The following THADA variants were observed in gnomAD, a reference collection of about 807,000 sequenced individuals.
The protein encoded by THADA is tRNA (32-2'-O)-methyltransferase regulator THADA.
In THADA, 213 loss-of-function variants were observed where a neutral mutation model predicts 219.8. That is an observed-to-expected ratio of 0.97 (90% CI 0.87 to 1.09). The LOEUF is 1.09. Ranked by LOEUF, THADA falls within the 50% of genes least tolerant of loss-of-function variation. The probability of loss-of-function intolerance (pLI) is 0.00; values close to 1 mark genes in which losing one functional copy is unlikely to be tolerated. For missense variants in THADA, 2,956 were observed against 2,311.3 expected, an observed-to-expected ratio of 1.28 and a Z score of -5.72; for synonymous variants, 1,018 against 828.9, an observed-to-expected ratio of 1.23 and a Z score of -3.92.
At chr2:43,431,210 A>G (rs1434294339) in intron 26 of THADA, among the ~76,000 whole-genome samples, 1 of 152,202 alleles carries the variant, frequency 6.6e-6, no homozygotes, top group Non-Finnish European at 1.5e-5. Flanking sequence ...AATCCAGAAT[A>G]TCACATTTTA....
At chr2:43,551,729 A>T in intron 19 of THADA, 60 bp downstream of exon 19, 1 of 1,400,010 alleles carries the variant, frequency 7.1e-7, no homozygotes, top group South Asian at 1.6e-5. Flanking sequence ...AAAAAAAAAA[A>T]GAGGTAAAGA....
chr2:43,271,773 C>G (rs1170990324), intron 36 of THADA, among the ~76,000 whole-genome samples: 2 of 152,026 alleles, frequency 1.3e-5, no homozygotes, highest in Non-Finnish European at 2.9e-5. Flanking sequence ...CACCACCACG[C>G]CCAGCTAATT....
At chr2:43,445,899 C>T (rs1253108165) in intron 26 of THADA, among the ~76,000 whole-genome samples, 1 of 152,140 alleles carries the variant, frequency 6.6e-6, no homozygotes, top group Non-Finnish European at 1.5e-5. Context: ...TGGAGAATTC[C>T]CAAATCACTA....
At chr2:43,508,456 T>G (rs142885919) in intron 23 of THADA, among the ~76,000 whole-genome samples, 192 bp downstream of exon 23, 222 of 152,296 alleles carry the variant, frequency 1.5e-3, no homozygotes, top group African/African-American at 5.1e-3. Flanking sequence ...TTTAGAGGGT[T>G]TGTTCCAAGA....
intron 22 of THADA, among the ~76,000 whole-genome samples, chr2:43,519,844 T>A (rs1469590823): frequency 2.6e-5 from 4 of 152,184 alleles, no homozygotes; most frequent in Non-Finnish European, 5.9e-5. Context: ...CCCTAAGTCT[T>A]CTCAATAGTG....
rs1008295990 is a variant in THADA at position 43,575,134 on chromosome 2, A to G, written c.1038-107T>C. The G allele has an allele frequency of 1.3e-5, 11 of 845,834 alleles. No individual in the cohort carries two copies. The Admixed American group carries it at 3.4e-4, about 26-fold the overall frequency. The allele number at this position is 845,834 out of a possible 1,614,324, so 52.4% of individuals were successfully genotyped here. A position where few individuals can be genotyped will look rare whatever the true frequency, so the allele number is the denominator to read the frequency against. On this transcript the variant is annotated intron_variant, in intron 10 of 37. Transcript: ENST00000405975. Reference sequence around the variant, plus strand: ...AATATTAAATACACAGAATGACCACAAATTTCAATTATTAAATTTACAAGA... The same window carrying G: ...AATATTAAATACACAGAATGACCACGAATTTCAATTATTAAATTTACAAGA...
chr2:43,380,309 A>G (rs1671847563), intron 29 of THADA, among the ~76,000 whole-genome samples: 2 of 152,258 alleles, frequency 1.3e-5, no homozygotes, highest in Admixed American at 6.5e-5. Flanking sequence ...AGAAATGTAT[A>G]TACAGTATTC....
At chr2:43,354,330 C>T (rs578058353) in intron 29 of THADA, among the ~76,000 whole-genome samples, 10 of 152,098 alleles carry the variant, frequency 6.6e-5, no homozygotes, top group South Asian at 2.1e-4. Context: ...TATAGGCATA[C>T]GATGTGTACT....
At chr2:43,522,057 G>A (rs1692558762) in intron 22 of THADA, among the ~76,000 whole-genome samples, 1 of 151,956 alleles carries the variant, frequency 6.6e-6, no homozygotes, top group East Asian at 1.9e-4. Context: ...TATTTCATAA[G>A]CTAAATTCCC....
At chr2:43,268,199 C>T (rs1671739178) in intron 36 of THADA, among the ~76,000 whole-genome samples, 1 of 152,198 alleles carries the variant, frequency 6.6e-6, no homozygotes. Context: ...TTTTGACATT[C>T]AGGGAGGGAT....
intron 26 of THADA, among the ~76,000 whole-genome samples, chr2:43,460,734 G>T (rs1050600409): frequency 2.0e-5 from 3 of 152,158 alleles, no homozygotes; most frequent in African/African-American, 7.2e-5. Flanking sequence ...ACAAATGAAG[G>T]GTTGGCGTGG....
At chr2:43,514,340 A>C (rs1690889889) in intron 22 of THADA, among the ~76,000 whole-genome samples, 1 of 150,330 alleles carries the variant, frequency 6.7e-6, no homozygotes, top group South Asian at 2.1e-4. Context: ...AGTCTCAGCT[A>C]CTTGGGAGGC....
At chr2:43,532,412 C>CAAAAA (rs773523844) in intron 21 of THADA, among the ~76,000 whole-genome samples, 1 of 47,228 alleles carries the variant, frequency 2.1e-5, no homozygotes, top group Non-Finnish European at 4.2e-5. Flanking sequence ...GACTCCACCT[C>CAAAAA]AAAAAAAAAA....
At chr2:43,263,732 ATACT>A (rs1216556770) in intron 36 of THADA, among the ~76,000 whole-genome samples, 1 of 152,150 alleles carries the variant, frequency 6.6e-6, no homozygotes, top group Non-Finnish European at 1.5e-5. Context: ...TTACACTATA[ATACT>A]TATTTATTTT....
intron 26 of THADA, among the ~76,000 whole-genome samples, chr2:43,457,730 T>C (rs1481212430): frequency 1.3e-5 from 2 of 152,180 alleles, no homozygotes; most frequent in African/African-American, 4.8e-5. Context: ...TTTCTAACAC[T>C]TTTTTCTTTT....
At chr2:43,530,757 C>T (rs1200287319) in intron 21 of THADA, among the ~76,000 whole-genome samples, 1 of 152,188 alleles carries the variant, frequency 6.6e-6, no homozygotes, top group Non-Finnish European at 1.5e-5. Context: ...TTTATTCAAA[C>T]TCCCTTCGAA....
At chr2:43,260,073 TC>T (rs1670768920) in intron 36 of THADA, among the ~76,000 whole-genome samples, 1 of 152,048 alleles carries the variant, frequency 6.6e-6, no homozygotes, top group Non-Finnish European at 1.5e-5. Flanking sequence ...AGCCTATGCC[TC>T]CCGGGTTCAA....
intron 36 of THADA, among the ~76,000 whole-genome samples, chr2:43,267,167 A>G: frequency 6.6e-6 from 1 of 152,248 alleles, no homozygotes; most frequent in East Asian, 1.9e-4. Flanking sequence ...GAGAATGTTT[A>G]GAACAAAATT....
intron 36 of THADA, among the ~76,000 whole-genome samples, chr2:43,261,952 A>G (rs1341758089): frequency 2.0e-5 from 3 of 152,072 alleles, no homozygotes; most frequent in African/African-American, 4.8e-5. Context: ...TTGTATTTTT[A>G]GTAGAGATGG....
Sources: allele counts gnomAD v4.1 joint callset (sites outside exome capture counted in the v4.1 genomes callset), GRCh38; gene constraint gnomAD v4.1.1; transcripts MANE v1.5; gene names NCBI Gene and HGNC (gene_info 2026-07-23, HGNC 2026-07-21).